The following SCFD2 variants were observed in gnomAD, a reference collection of about 807,000 sequenced individuals.
SCFD2 encodes the protein sec1 family domain-containing protein 2.
A neutral mutation model predicts 58.9 loss-of-function variants in SCFD2; 54 were observed. That is an observed-to-expected ratio of 0.92 (90% confidence interval 0.74 to 1.15). The LOEUF is 1.15. SCFD2 is among the 50% of genes most tolerant of loss of function. The pLI is 0.00. For synonymous variants in SCFD2, 321 were observed against 335.9 expected (o/e 0.96, Z 0.49); for missense variants, 805 against 836.6 (o/e 0.96, Z 0.47).
intron 1 of SCFD2, among the ~76,000 whole-genome samples, chr4:53,358,979 G>C (rs1210559425): frequency 2.0e-5 from 3 of 152,070 alleles, no homozygotes; most frequent in African/African-American, 7.2e-5. Context: ...CTTATCAACT[G>C]GATAACCAGG....
chr4:52,984,390 A>G (rs1243434001), intron 5 of SCFD2, among the ~76,000 whole-genome samples: 1 of 152,196 alleles, frequency 6.6e-6, no homozygotes, highest in African/African-American at 2.4e-5. Flanking sequence ...CAAAGCCATC[A>G]TTGTCAAGGG....
At chr4:53,186,793 T>C (rs1321873282) in intron 4 of SCFD2, among the ~76,000 whole-genome samples, 1 of 152,024 alleles carries the variant, frequency 6.6e-6, no homozygotes, top group Non-Finnish European at 1.5e-5. Flanking sequence ...AGCTCTGAGT[T>C]AGGCTACATG....
intron 5 of SCFD2, among the ~76,000 whole-genome samples, chr4:53,048,535 A>C (rs1160774182): frequency 6.6e-6 from 1 of 152,152 alleles, no homozygotes; most frequent in South Asian, 2.1e-4. Flanking sequence ...CAGGAGTTTG[A>C]GAACAGCCTA....
At chr4:53,105,914 C>T (rs1448558775) in intron 5 of SCFD2, among the ~76,000 whole-genome samples, 1 of 150,472 alleles carries the variant, frequency 6.6e-6, no homozygotes, top group East Asian at 2.0e-4. Flanking sequence ...CACTTCCCAG[C>T]AGGGGTTGAC....
At chr4:52,959,897 AACACAC>A (rs10529140) in intron 5 of SCFD2, among the ~76,000 whole-genome samples, 10 of 138,112 alleles carry the variant, frequency 7.2e-5, no homozygotes, top group Non-Finnish European at 1.6e-4. Context: ...TCCAAATTGA[AACACAC>A]ACACACACAC....
chr4:53,338,823 G>A (rs1411111560), intron 2 of SCFD2, among the ~76,000 whole-genome samples: 34 of 151,538 alleles, frequency 2.2e-4, no homozygotes, highest in African/African-American at 6.5e-4. Context: ...CTCGTGATCC[G>A]CCCGCCTCGG....
At chr4:53,344,500 A>G (rs1489032857) in intron 2 of SCFD2, among the ~76,000 whole-genome samples, 4 of 152,212 alleles carry the variant, frequency 2.6e-5, no homozygotes, top group Non-Finnish European at 5.9e-5. Context: ...GCAAGAATCA[A>G]TATCACGAAA....
intron 5 of SCFD2, among the ~76,000 whole-genome samples, chr4:52,973,207 C>T (rs928986254): frequency 7.2e-5 from 11 of 151,838 alleles, no homozygotes; most frequent in South Asian, 2.1e-4. Flanking sequence ...AAAAACCCTT[C>T]AAAAAAATCA....
At chr4:53,059,436 G>T (rs1723441691) in intron 5 of SCFD2, among the ~76,000 whole-genome samples, 1 of 152,138 alleles carries the variant, frequency 6.6e-6, no homozygotes, top group African/African-American at 2.4e-5. Flanking sequence ...TCATCGTTTA[G>T]AGATGTTACG....
At chr4:53,286,534 C>A (rs1347577805) in intron 3 of SCFD2, among the ~76,000 whole-genome samples, 2 of 152,134 alleles carry the variant, frequency 1.3e-5, no homozygotes, top group Admixed American at 6.5e-5. Context: ...GGAGCTCCTG[C>A]ACAGCAGAGC....
chr4:53,101,427 T>A (rs1463882342), intron 5 of SCFD2, among the ~76,000 whole-genome samples: 4 of 152,148 alleles, frequency 2.6e-5, no homozygotes. Context: ...TAGATTCTAG[T>A]TAACAGTAAT....
intron 5 of SCFD2, among the ~76,000 whole-genome samples, chr4:52,988,187 G>C (rs569421491): frequency 6.6e-6 from 1 of 152,316 alleles, no homozygotes; most frequent in East Asian, 1.9e-4. Context: ...CAGAAGCTGG[G>C]AGAGAGAAAA....
chr4:53,037,613 C>T (rs972183063), intron 5 of SCFD2, among the ~76,000 whole-genome samples: 1 of 152,060 alleles, frequency 6.6e-6, no homozygotes, highest in Non-Finnish European at 1.5e-5. Context: ...TGTTGCCAAT[C>T]AGTAACTGTC....
chr4:53,292,915 T>C (rs1398631512), intron 3 of SCFD2, among the ~76,000 whole-genome samples: 5 of 151,968 alleles, frequency 3.3e-5, no homozygotes, highest in Admixed American at 3.3e-4. Flanking sequence ...AAATATGTAA[T>C]GCATGTGGGG....
At chr4:52,883,751 A>C (rs969365454) in intron 8 of SCFD2, among the ~76,000 whole-genome samples, 1 of 152,226 alleles carries the variant, frequency 6.6e-6, no homozygotes, top group African/African-American at 2.4e-5. Flanking sequence ...TCAAAAAGGC[A>C]ATCATTCATT....
At position 52,901,937 on chromosome 4, in the gene SCFD2, G is replaced by A. The variant is rs529081891; in HGVS notation, c.1842+5520C>T. On this transcript the variant is annotated intron_variant, in intron 7 of 8. Transcript: ENST00000401642. ...TACACAGGTATTTTTCTTAACTTTC[G>A]CTGCCTGCAAAAATGTACATAAATA... is the stretch of plus-strand genomic sequence containing the variant. Among the ~76,000 whole-genome samples, 12 of 152,128 alleles carry A rather than the reference G, an allele frequency of 7.9e-5. 1 individual carries two copies. The highest frequency in any genetic ancestry group is 2.2e-4 in the African/African-American group (9 of 41,496).
chr4:53,204,529 AAAG>A (rs1201434161), intron 4 of SCFD2, among the ~76,000 whole-genome samples: 1 of 151,648 alleles, frequency 6.6e-6, no homozygotes, highest in African/African-American at 2.4e-5. Context: ...AGAAGAAAAA[AAAG>A]AAGACAAAAG....
At chr4:53,294,580 C>T (rs1053732581) in intron 3 of SCFD2, among the ~76,000 whole-genome samples, 6 of 152,148 alleles carry the variant, frequency 3.9e-5, no homozygotes, top group African/African-American at 1.4e-4. Context: ...TTCTCCCATT[C>T]TGTAGGTTGC....
chr4:53,227,091 CCAGT>C (rs1421447581), intron 4 of SCFD2, among the ~76,000 whole-genome samples: 1 of 152,112 alleles, frequency 6.6e-6, no homozygotes, highest in Non-Finnish European at 1.5e-5. Flanking sequence ...GGAAAGATGG[CCAGT>C]ATGTGTGACC....
Sources: gnomAD v4.1 joint callset for allele counts (sites outside exome capture counted in the v4.1 genomes callset) on GRCh38, gnomAD v4.1.1 for gene constraint, MANE v1.5 for transcripts, NCBI Gene and HGNC (gene_info 2026-07-23, HGNC 2026-07-21) for gene names.